EXT1: variants seen among roughly 807,000 people sequenced by gnomAD.
EXT1 encodes exostosin-1.
In EXT1, 20 loss-of-function variants were observed where a neutral mutation model predicts 82.5. The ratio of observed to expected loss-of-function variants is 0.24; its 90% CI spans 0.17 to 0.35. The LOEUF (loss-of-function observed/expected upper bound fraction) is 0.35, where lower values mean the gene tolerates loss of function less well. EXT1 is among the 10% of genes least tolerant of loss of function. EXT1 has a pLI of 1.00. For missense variants in EXT1, 757 were observed against 936.5 expected, an observed-to-expected ratio of 0.81 and a Z score of 2.50; for synonymous variants, 348 against 350.8, an observed-to-expected ratio of 0.99 and a Z score of 0.09.
In EXT1 at chr8:117,968,553, ATTTTTTTTTTTTTTTTTTTTTTTTT is replaced by A. The variant is rs1182180428; in HGVS notation, c.963-131377_963-131353del. ...TATTTATTTATTTATTTATTTATTT[ATTTTTTTTTTTTTTTTTTTTTTTTT>A]TTTTTTTTTGAGACGGAGTCTCACT... On this transcript the variant is annotated intron_variant, in intron 1 of 10. Transcript: ENST00000378204. 5.4e-4 allele frequency among the ~76,000 whole-genome samples: 5 copies of A among 9,308 alleles called. 2 individuals are homozygous for A. In the African/African-American group the frequency reaches 8.3e-3, roughly 16 times the overall value. 6.1% of individuals were successfully genotyped at this position (9,308 alleles called of 152,430 possible). A position where few individuals can be genotyped will look rare whatever the true frequency, so the allele number is the denominator to read the frequency against.
chr8:117,968,454 C>T (rs750135656), intron 1 of EXT1, among the ~76,000 whole-genome samples: 2 of 151,748 alleles, frequency 1.3e-5, no homozygotes, highest in Non-Finnish European at 2.9e-5. Flanking sequence ...CAATAAGTAT[C>T]ACAGCTGAGG....
chr8:117,837,245 G>A lies in EXT1; in HGVS notation c.963-44C>T, dbSNP rs774176981. ...TAAACAGCAAATGAAGACTCATTGC[G>A]AATGTGGGGATATTGACCATAGGTG... is the stretch of plus-strand genomic sequence containing the variant. On this transcript the variant is annotated intron_variant, in intron 1 of 10. Coordinates refer to ENST00000378204, the MANE Select transcript of EXT1 (RefSeq NM_000127.3). The A allele has an allele frequency of 1.6e-5, 23 of 1,481,226 alleles. 1 individual carries two copies. The highest frequency in any genetic ancestry group is 4.5e-5 in the South Asian group (4 of 88,332). 91.8% of individuals were successfully genotyped at this position (1,481,226 alleles called of 1,614,324 possible).
Position 117,887,119 on chromosome 8 carries a change from CTT to C in EXT1, c.963-49920_963-49919del, listed in dbSNP as rs1813159466. 3.3e-5 allele frequency among the ~76,000 whole-genome samples: 5 copies of C among 152,054 alleles called. No individual in the cohort carries two copies. In the South Asian group the frequency reaches 1.0e-3, roughly 31 times the overall value. ...CTTTCTTGTCATAAAATGGGATCACCTTTGTCTTTTATTTGTAATATATAACA... is the reference window on the plus strand; with the variant it reads ...CTTTCTTGTCATAAAATGGGATCACCTGTCTTTTATTTGTAATATATAACA... On this transcript the variant is annotated intron_variant, in intron 1 of 10. Coordinates refer to ENST00000378204, the MANE Select transcript of EXT1 (RefSeq NM_000127.3).
intron 1 of EXT1, among the ~76,000 whole-genome samples, chr8:117,986,522 A>C (rs902477364): frequency 6.6e-6 from 1 of 152,212 alleles, no homozygotes; most frequent in Non-Finnish European, 1.5e-5. Flanking sequence ...AATGAAGAAT[A>C]AATTTAGGTC....
intron 1 of EXT1, among the ~76,000 whole-genome samples, chr8:117,940,568 A>ACAC (rs1248725482): frequency 1.3e-5 from 2 of 152,196 alleles, no homozygotes; most frequent in African/African-American, 2.4e-5. Context: ...GTGAATTAAA[A>ACAC]CACGCTGCAC....
At chr8:118,042,062 C>A (rs148027609) in intron 1 of EXT1, among the ~76,000 whole-genome samples, 75 of 152,266 alleles carry the variant, frequency 4.9e-4, no homozygotes, top group Non-Finnish European at 8.7e-4. Flanking sequence ...AAATGAGGAC[C>A]CCCTCGTACC....
chr8:117,938,029 A>T (rs747244640), intron 1 of EXT1, among the ~76,000 whole-genome samples: 4 of 152,200 alleles, frequency 2.6e-5, no homozygotes, highest in Non-Finnish European at 5.9e-5. Context: ...CTCAATAGGA[A>T]ATATCTCATT....
intron 10 of EXT1, among the ~76,000 whole-genome samples, chr8:117,804,087 T>C (rs572537153): frequency 4.9e-4 from 75 of 152,352 alleles, no homozygotes; most frequent in African/African-American, 1.5e-3. Context: ...AGGGCTTTAA[T>C]TCTGCTGAGG....
intron 3 of EXT1, 88 bp downstream of exon 3, chr8:117,835,356 C>A: frequency 1.0e-6 from 1 of 954,108 alleles, no homozygotes; most frequent in South Asian, 1.3e-5. Context: ...TTTTATAGAG[C>A]TGACCTTTTG....
chr8:118,049,179 T>C (rs1242513084), intron 1 of EXT1, among the ~76,000 whole-genome samples: 1 of 152,248 alleles, frequency 6.6e-6, no homozygotes, highest in African/African-American at 2.4e-5. Context: ...AATAAGCTAA[T>C]TTTTTAACAG....
chr8:117,992,627 C>G (rs951087780), intron 1 of EXT1, among the ~76,000 whole-genome samples: 3 of 152,056 alleles, frequency 2.0e-5, no homozygotes, highest in African/African-American at 7.2e-5. Flanking sequence ...AAGCTTCCAG[C>G]TCCCTGCAGG....
chr8:118,109,436 T>A (rs1201680619), intron 1 of EXT1, among the ~76,000 whole-genome samples: 5 of 112,806 alleles, frequency 4.4e-5, no homozygotes, highest in Admixed American at 9.0e-5. Flanking sequence ...AATGAATGAA[T>A]GAATGAATGC....
At chr8:117,847,894 G>T (rs1812389178) in intron 1 of EXT1, among the ~76,000 whole-genome samples, 1 of 151,698 alleles carries the variant, frequency 6.6e-6, no homozygotes, top group Admixed American at 6.6e-5. Flanking sequence ...AATATCTTGA[G>T]AATCCAATGA....
intron 5 of EXT1, among the ~76,000 whole-genome samples, chr8:117,822,137 T>C (rs1326532372): frequency 6.6e-6 from 1 of 152,162 alleles, no homozygotes; most frequent in Admixed American, 6.5e-5. Context: ...AGCTCTCCAT[T>C]TTATATATGA....
At chr8:117,992,037 T>C (rs764837630) in intron 1 of EXT1, among the ~76,000 whole-genome samples, 103 of 152,184 alleles carry the variant, frequency 6.8e-4, no homozygotes, top group Admixed American at 5.2e-4. Context: ...AGCACAGGCT[T>C]ACATGTTATT....
Position 118,049,545 on chromosome 8 carries a change from T to C in EXT1, c.962+60540A>G, listed in dbSNP as rs1038553424. Among the ~76,000 whole-genome samples the C allele has an allele frequency of 2.6e-5, 4 of 152,130 alleles. No individual in the cohort carries two copies. The South Asian group carries it at 8.3e-4, about 32-fold the overall frequency. ...AGGACAAGAAATGCCCCATTCATGG[T>C]GCCCTGCATCCCTGGCACGGTCTAT... On this transcript the variant is annotated intron_variant, in intron 1 of 10. Coordinates refer to ENST00000378204, the MANE Select transcript of EXT1 (RefSeq NM_000127.3).
intron 1 of EXT1, among the ~76,000 whole-genome samples, chr8:118,067,835 T>C (rs1022123744): frequency 3.3e-5 from 5 of 152,202 alleles, no homozygotes; most frequent in African/African-American, 1.2e-4. Context: ...ATAAGCCCCA[T>C]GCTGTAAGCT....
At chr8:117,835,975 C>T (rs1812183340) in intron 2 of EXT1, among the ~76,000 whole-genome samples, 1 of 152,222 alleles carries the variant, frequency 6.6e-6, no homozygotes, top group Non-Finnish European at 1.5e-5. Context: ...ACCCCAATGT[C>T]ATGAGCAACA....
intron 1 of EXT1, among the ~76,000 whole-genome samples, chr8:117,987,825 T>A (rs1362477136): frequency 6.6e-6 from 1 of 152,212 alleles, no homozygotes; most frequent in Non-Finnish European, 1.5e-5. Context: ...CTGTGGCTCA[T>A]GCCTATAATC....
Sources: allele counts gnomAD v4.1 joint callset (sites outside exome capture counted in the v4.1 genomes callset), GRCh38; gene constraint gnomAD v4.1.1; transcripts MANE v1.5; gene names NCBI Gene and HGNC (gene_info 2026-07-23, HGNC 2026-07-21).